PDE5A: variants seen among roughly 807,000 people sequenced by gnomAD.
PDE5A encodes cGMP-specific 3',5'-cyclic phosphodiesterase.
Under a neutral mutation model 110.2 loss-of-function variants are expected in PDE5A, and 67 were observed. That is an observed-to-expected ratio of 0.61 (90% CI 0.50 to 0.75). The LOEUF is 0.75. Ranked by LOEUF, PDE5A falls within the 30% of genes least tolerant of loss-of-function variation. The pLI is 0.00. For synonymous variants in PDE5A, 328 were observed against 351.2 expected (o/e 0.93, Z 0.74); for missense variants, 862 against 1,045.1 (o/e 0.82, Z 2.42).
intron 5 of PDE5A, among the ~76,000 whole-genome samples, chr4:119,564,116 AAAT>A (rs1303031730): frequency 7.9e-5 from 12 of 151,992 alleles, no homozygotes; most frequent in Middle Eastern, 3.4e-3. Flanking sequence ...AAATAGATAT[AAAT>A]AATAATATAA....
chr4:119,514,573 T>A (rs1725850067), intron 14 of PDE5A, among the ~76,000 whole-genome samples: 1 of 152,058 alleles, frequency 6.6e-6, no homozygotes. Flanking sequence ...ACCTCAGAAT[T>A]CTCTGACCTC....
Position 119,520,945 on chromosome 4 carries a change from CCTG to C in PDE5A, c.1892_1894del (p.Ala631del). The C allele has an allele frequency of 6.2e-7, 1 of 1,607,410 alleles. No individual in the cohort carries two copies. The highest frequency in any genetic ancestry group is 8.5e-7 in the Non-Finnish European group (1 of 1,176,922). ...GGCTCTAAAAAGTACCTGAATTTTG[CCTG>C]CTTTTAGAGCAGCAAACATGCACTG... On this transcript the variant is annotated inframe_deletion, in exon 13 of 21. Transcript: ENST00000354960.
intron 1 of PDE5A, among the ~76,000 whole-genome samples, chr4:119,614,025 C>T (rs1729847934): frequency 2.0e-5 from 3 of 151,424 alleles, no homozygotes; most frequent in Admixed American, 2.0e-4. Context: ...GCAGAGAAGG[C>T]ATAGAGAAAG....
Position 119,494,477 on chromosome 4 carries a change from A to G in PDE5A, c.*4124T>C, listed in dbSNP as rs1216951170. ...CACTGACAGGTGAAGAATTTGCACA[A>G]TGGAAAACCACCTTGACCATCTCAT... On this transcript the variant is annotated 3_prime_UTR_variant, in exon 21 of 21. Transcript: ENST00000354960. The G allele has an allele frequency of 2.0e-5, 3 of 152,464 alleles. No individual in the cohort carries two copies. Among genetic ancestry groups the G allele is most frequent in the Non-Finnish European group, 2.9e-5 (2 of 68,030 alleles). The allele number at this position is 152,464 out of a possible 1,614,324, so 9.4% of individuals were successfully genotyped here. A position where few individuals can be genotyped will look rare whatever the true frequency, so the allele number is the denominator to read the frequency against.
intron 2 of PDE5A, among the ~76,000 whole-genome samples, chr4:119,596,892 C>T (rs1419443397): frequency 6.6e-6 from 1 of 152,104 alleles, no homozygotes; most frequent in Non-Finnish European, 1.5e-5. Flanking sequence ...ATATTAACCA[C>T]TTTAGATAGC....
chr4:119,526,884 G>A (rs1438678248), intron 11 of PDE5A, among the ~76,000 whole-genome samples: 5 of 152,202 alleles, frequency 3.3e-5, no homozygotes, highest in African/African-American at 7.2e-5. Context: ...TATGCATTCT[G>A]TTAAGTCAAT....
At chr4:119,577,754 G>C (rs1728413626) in intron 3 of PDE5A, among the ~76,000 whole-genome samples, 1 of 152,166 alleles carries the variant, frequency 6.6e-6, no homozygotes, top group Non-Finnish European at 1.5e-5. Context: ...AAAACTGAAA[G>C]CATTCCCTTT....
chr4:119,572,803 T>C (rs955437942), intron 3 of PDE5A, among the ~76,000 whole-genome samples: 1 of 152,202 alleles, frequency 6.6e-6, no homozygotes, highest in Non-Finnish European at 1.5e-5. Flanking sequence ...CATTGACAAC[T>C]ACTGATACAG....
intron 6 of PDE5A, among the ~76,000 whole-genome samples, chr4:119,560,634 T>C (rs1001305110): frequency 4.6e-5 from 7 of 152,242 alleles, no homozygotes; most frequent in African/African-American, 1.4e-4. Context: ...TTCTAGGTGC[T>C]GATGGATTTA....
At chr4:119,623,836 T>C (rs1730247476) in intron 1 of PDE5A, among the ~76,000 whole-genome samples, 1 of 152,228 alleles carries the variant, frequency 6.6e-6, no homozygotes, top group African/African-American at 2.4e-5. Context: ...GTTTGTGTTA[T>C]ACTAAGCAAA....
chr4:119,599,710 T>TAC (rs1491105475), intron 2 of PDE5A, among the ~76,000 whole-genome samples: 1 of 71,642 alleles, frequency 1.4e-5, no homozygotes, highest in Non-Finnish European at 2.8e-5. Context: ...ATCAAGTGTG[T>TAC]ATACACACAC....
chr4:119,580,371 A>G (rs1348121444), intron 3 of PDE5A, among the ~76,000 whole-genome samples: 1 of 152,224 alleles, frequency 6.6e-6, no homozygotes, highest in Non-Finnish European at 1.5e-5. Context: ...AGCCATTGCG[A>G]GCAAAGTCTC....
At chr4:119,584,852 A>C (rs1728704347) in intron 3 of PDE5A, among the ~76,000 whole-genome samples, 1 of 152,232 alleles carries the variant, frequency 6.6e-6, no homozygotes, top group Non-Finnish European at 1.5e-5. Flanking sequence ...CAGAGGCAGA[A>C]AACGATGGTG....
intron 3 of PDE5A, among the ~76,000 whole-genome samples, chr4:119,572,461 G>C (rs1728174451): frequency 1.3e-5 from 2 of 152,190 alleles, no homozygotes; most frequent in Non-Finnish European, 2.9e-5. Context: ...ATCCATATCT[G>C]AGAACTTTGT....
intron 8 of PDE5A, among the ~76,000 whole-genome samples, chr4:119,552,855 C>G (rs1727405003): frequency 6.6e-6 from 1 of 151,676 alleles, no homozygotes; most frequent in African/African-American, 2.4e-5. Context: ...GAATTTTTTT[C>G]ACTTTAAACT....
At chr4:119,580,050 A>G (rs1352338204) in intron 3 of PDE5A, among the ~76,000 whole-genome samples, 1 of 152,108 alleles carries the variant, frequency 6.6e-6, no homozygotes, top group Non-Finnish European at 1.5e-5. Context: ...GCCAGGGCAA[A>G]TCCAGCCTCT....
At chr4:119,621,741 C>T (rs190546534) in intron 1 of PDE5A, among the ~76,000 whole-genome samples, 1 of 152,308 alleles carries the variant, frequency 6.6e-6, no homozygotes, top group African/African-American at 2.4e-5. Context: ...CCCAATCCCG[C>T]AAGCAATTAA....
chr4:119,614,281 A>G (rs2110557298), intron 1 of PDE5A, among the ~76,000 whole-genome samples: 1 of 152,280 alleles, frequency 6.6e-6, no homozygotes, highest in African/African-American at 2.4e-5. Context: ...TTCGAGAAAA[A>G]GTCATCCCCA....
At position 119,568,835 on chromosome 4, in the gene PDE5A, A is replaced by C. The variant is rs540007043; in HGVS notation, c.832-1691T>G. Among the ~76,000 whole-genome samples, 80 of 152,328 alleles carry C rather than the reference A, an allele frequency of 5.3e-4. 2 individuals carry two copies. In the South Asian group the frequency reaches 7.7e-3, roughly 15 times the overall value. On this transcript the variant is annotated intron_variant, in intron 3 of 20. Coordinates refer to ENST00000354960, the MANE Select transcript of PDE5A (RefSeq NM_001083.4). ...TATGCAGTACAAAAAGTATACATTG[A>C]TATGCTATCTGTACCTGGAACTGTA...
Sources: gnomAD v4.1 joint callset for allele counts (sites outside exome capture counted in the v4.1 genomes callset) on GRCh38, gnomAD v4.1.1 for gene constraint, MANE v1.5 for transcripts, NCBI Gene and HGNC (gene_info 2026-07-23, HGNC 2026-07-21) for gene names.